The following TMEM38B variants were observed in gnomAD, a reference collection of about 807,000 sequenced individuals.
TMEM38B encodes transmembrane protein 38B.
Under a neutral mutation model 28.7 loss-of-function variants are expected in TMEM38B, and 24 were observed. That is an observed-to-expected ratio of 0.84 (90% CI 0.61 to 1.18). The LOEUF is 1.18. Ranked by LOEUF, TMEM38B falls within the 50% of genes most tolerant of loss-of-function variation. TMEM38B has a pLI of 0.00. For missense variants in TMEM38B, 380 were observed against 350.9 expected (o/e 1.08, Z -0.66); for synonymous variants, 131 against 127.7 (o/e 1.03, Z -0.17).
At chr9:105,769,629 GC>G (rs1379744165) in intron 5 of TMEM38B, among the ~76,000 whole-genome samples, 3 of 152,122 alleles carry the variant, frequency 2.0e-5, no homozygotes, top group Non-Finnish European at 4.4e-5. Flanking sequence ...AGGCACTCCT[GC>G]AAATGTTCTT....
In TMEM38B at chr9:105,775,961, A is replaced by T. The variant is rs1826709494; in HGVS notation, c.*1881A>T. On this transcript the variant is annotated 3_prime_UTR_variant, in exon 6 of 6. Transcript: ENST00000374692. ...AGAAACTTTATTAATCTATGCAAGT[A>T]TCCTATAACCCTCAATTCAAGGCTC... The T allele has an allele frequency of 2.0e-5, 3 of 152,200 alleles. No homozygotes were observed. Among genetic ancestry groups the T allele is most frequent in the Admixed American group, 6.5e-5 (1 of 15,272 alleles). The allele number at this position is 152,200 out of a possible 1,614,324, so 9.4% of individuals were successfully genotyped here. A position where few individuals can be genotyped will look rare whatever the true frequency, so the allele number is the denominator to read the frequency against.
chr9:105,752,327 G>C (rs1276951759), intron 5 of TMEM38B, among the ~76,000 whole-genome samples: 2 of 152,188 alleles, frequency 1.3e-5, no homozygotes, highest in African/African-American at 4.8e-5. Flanking sequence ...AAAGCAGCCA[G>C]ACTGCTTTTT....
intron 4 of TMEM38B, among the ~76,000 whole-genome samples, chr9:105,741,471 T>G (rs1588442489): frequency 1.3e-5 from 2 of 152,212 alleles, no homozygotes; most frequent in African/African-American, 4.8e-5. Flanking sequence ...CATATATTGT[T>G]ATAAGCAAAA....
intron 2 of TMEM38B, among the ~76,000 whole-genome samples, chr9:105,711,320 A>G (rs1835891962): frequency 1.3e-5 from 2 of 152,134 alleles, no homozygotes; most frequent in South Asian, 4.1e-4. Context: ...CTGTGCCTGT[A>G]GTCCCAGCTA....
chr9:105,695,220 A>G (rs1363498229), intron 1 of TMEM38B, among the ~76,000 whole-genome samples: 1 of 143,206 alleles, frequency 7.0e-6, no homozygotes, highest in East Asian at 1.9e-4. Context: ...TTTGAAAGTC[A>G]TGTGAGGAGA....
intron 5 of TMEM38B, among the ~76,000 whole-genome samples, chr9:105,769,182 T>C (rs1052808641): frequency 6.6e-6 from 1 of 151,924 alleles, no homozygotes; most frequent in Admixed American, 6.6e-5. Flanking sequence ...CAACAGACAA[T>C]TCACACAGAA....
At chr9:105,722,662 C>G (rs1397562834) in intron 4 of TMEM38B, 41 bp downstream of exon 4, 1 of 1,511,354 alleles carries the variant, frequency 6.6e-7, no homozygotes, top group Admixed American at 1.8e-5. Context: ...GATGTTTATC[C>G]TTAGATCTTA....
chr9:105,754,380 T>C lies in TMEM38B; in HGVS notation c.660+6190T>C, dbSNP rs78054695. ...ACTTAATATAAAACTGACCACATAA[T>C]TGGAAGTAAAACACTCCTCAGCAAA... On this transcript the variant is annotated intron_variant, in intron 5 of 5. Transcript: ENST00000374692. Among the ~76,000 whole-genome samples, 1,177 of 152,240 alleles carry C rather than the reference T, an allele frequency of 7.7e-3. 13 individuals are homozygous for C. Among genetic ancestry groups the C allele is most frequent in the African/African-American group, 0.023 (959 of 41,530 alleles).
chr9:105,707,563 A>G (rs1381727775), intron 2 of TMEM38B, among the ~76,000 whole-genome samples: 2 of 152,232 alleles, frequency 1.3e-5, no homozygotes, highest in Admixed American at 6.5e-5. Flanking sequence ...TACAAATAAT[A>G]GTAGCAATGG....
At chr9:105,713,184 G>T (rs1835970137) in intron 2 of TMEM38B, among the ~76,000 whole-genome samples, 1 of 152,184 alleles carries the variant, frequency 6.6e-6, no homozygotes, top group African/African-American at 2.4e-5. Flanking sequence ...AGGCAGTAGA[G>T]GGCAGGGCTG....
intron 4 of TMEM38B, among the ~76,000 whole-genome samples, chr9:105,744,885 G>A (rs1481737301): frequency 6.6e-6 from 1 of 152,098 alleles, no homozygotes; most frequent in Non-Finnish European, 1.5e-5. Flanking sequence ...ATGGTTTCCA[G>A]CTTCATCCAT....
At chr9:105,760,601 A>G (rs1220483574) in intron 5 of TMEM38B, 4 of 766,314 alleles carry the variant, frequency 5.2e-6, no homozygotes, top group African/African-American at 1.7e-5. Flanking sequence ...GAGAAAAGAA[A>G]AAAACTAAAA....
chr9:105,718,934 A>C (rs1836215630), intron 2 of TMEM38B, among the ~76,000 whole-genome samples: 2 of 152,184 alleles, frequency 1.3e-5, no homozygotes, highest in South Asian at 4.1e-4. Context: ...ATGTACAAAA[A>C]ATTTTCAATT....
chr9:105,732,840 G>T (rs997518546), intron 4 of TMEM38B, among the ~76,000 whole-genome samples: 4 of 152,156 alleles, frequency 2.6e-5, no homozygotes, highest in Non-Finnish European at 5.9e-5. Flanking sequence ...TTTGAATTCT[G>T]TGGAGAAAGT....
rs961550529 is a variant in TMEM38B at position 105,705,731 on chromosome 9, A to C, written c.247A>C (p.Ile83Leu). Residue 83 changes from isoleucine to leucine, a missense_variant, in exon 2 of 6, where the codon ATA becomes CTA. Physicochemically the swap from Ile to Leu is conservative, Grantham distance 5. Transcript: ENST00000374692. ...GAAGTTTCTTGCAAACCACACTAAC[A>C]TATTACTGGCATCTTCAATCTGGTA... is the stretch of plus-strand genomic sequence containing the variant. ...PLKFLANHTN[I>L]LLASSIWYIT... 2.5e-6 allele frequency: 4 copies of C among 1,613,376 alleles called. No homozygotes were observed. Among genetic ancestry groups the C allele is most frequent in the East Asian group, 4.5e-5 (2 of 44,858 alleles).
rs201200445 is a variant in TMEM38B, at chr9:105,752,891, C to CTA, written c.660+4702_660+4703dup. 5.0e-3 allele frequency among the ~76,000 whole-genome samples: 756 copies of CTA among 152,224 alleles called. 16 individuals carry two copies. Among genetic ancestry groups the CTA allele is most frequent in the East Asian group, 0.017 (87 of 5,176 alleles). On this transcript the variant is annotated intron_variant, in intron 5 of 5. Transcript: ENST00000374692. ...CTTCACTGAGCTAAAGGGGCATGTT[C>CTA]TAACCCAATGGAAAGAAGCTAAGAA...
In TMEM38B at chr9:105,775,507, T is replaced by C. The variant is rs934798689; in HGVS notation, c.*1427T>C. The C allele has an allele frequency of 2.6e-5, 4 of 152,114 alleles. No homozygotes were observed. Among genetic ancestry groups the C allele is most frequent in the Admixed American group, 6.5e-5 (1 of 15,268 alleles). 9.4% of individuals were successfully genotyped at this position (152,114 alleles called of 1,614,324 possible). ...TTAGAAGTTTTTTTTTTGTTGTTGT[T>C]ATTTTAAATTTTTAACAAATATAAA... On this transcript the variant is annotated 3_prime_UTR_variant, in exon 6 of 6. Coordinates refer to ENST00000374692, the MANE Select transcript of TMEM38B (RefSeq NM_018112.3).
intron 4 of TMEM38B, among the ~76,000 whole-genome samples, chr9:105,725,991 A>T (rs1030368288): frequency 6.6e-6 from 1 of 152,154 alleles, no homozygotes; most frequent in Non-Finnish European, 1.5e-5. Context: ...ACTTATTTTT[A>T]AAAATTTTTA....
At chr9:105,743,483 GAGTT>G (rs1402262063) in intron 4 of TMEM38B, among the ~76,000 whole-genome samples, 2 of 152,162 alleles carry the variant, frequency 1.3e-5, no homozygotes, top group Non-Finnish European at 2.9e-5. Flanking sequence ...GTAAGATAGA[GAGTT>G]AGACAATAAT....
Sources: allele counts gnomAD v4.1 joint callset (sites outside exome capture counted in the v4.1 genomes callset), GRCh38; gene constraint gnomAD v4.1.1; transcripts MANE v1.5; gene names NCBI Gene and HGNC (gene_info 2026-07-23, HGNC 2026-07-21).